PRKDC: variants seen among roughly 807,000 people sequenced by gnomAD.
The protein encoded by PRKDC is protein kinase, DNA-activated, catalytic subunit.
A neutral mutation model predicts 486.9 loss-of-function variants in PRKDC; 82 were observed. That is an observed-to-expected ratio of 0.17 (90% CI 0.14 to 0.20). The LOEUF (loss-of-function observed/expected upper bound fraction) is 0.20. PRKDC is among the 10% of genes least tolerant of loss of function. The probability of loss-of-function intolerance (pLI) is 1.00; values close to 1 mark genes in which losing one functional copy is unlikely to be tolerated. For synonymous variants in PRKDC, 1,895 were observed against 1,837.0 expected (o/e 1.03, Z -0.81); for missense variants, 4,504 against 5,038.2 (o/e 0.89, Z 3.21).
At position 47,782,799 on chromosome 8, in the gene PRKDC, G is replaced by C; in HGVS notation, c.11176-201C>G. ...GTGCCCGCAGAAATGTTGTATTCCT[G>C]ATTATAAATACTTGCTTATGAATGT... On this transcript the variant is annotated intron_variant, in intron 78 of 85. Transcript: ENST00000314191. This position sits in a 1 kb window ranked among gnomAD's most constrained non-coding sequence, Gnocchi z 4.9. The C allele has an allele frequency of 1.7e-6, 1 of 597,356 alleles. No homozygotes were observed. Among genetic ancestry groups the C allele is most frequent in the Middle Eastern group, 4.4e-4 (1 of 2,256 alleles). 37.0% of individuals were successfully genotyped at this position (597,356 alleles called of 1,614,324 possible). A position where few individuals can be genotyped will look rare whatever the true frequency, so the allele number is the denominator to read the frequency against.
chr8:47,960,088 C>G lies in PRKDC; in HGVS notation c.39G>C (p.Leu13=). The change falls in exon 1 of 86, where the codon CTG becomes CTC. Residue 13 remains leucine, a synonymous_variant. Coordinates refer to ENST00000314191, the MANE Select transcript of PRKDC (RefSeq NM_006904.7). ...GSGAGVRCSL[L]RLQETLSAAD... Reference sequence around the variant, plus strand: ...CAGCGGACAAGGTCTCCTGCAGCCGCAGCAGGGAGCAACGCACACCGGCTC... The same window carrying G: ...CAGCGGACAAGGTCTCCTGCAGCCGGAGCAGGGAGCAACGCACACCGGCTC... The G allele has an allele frequency of 6.5e-7, 1 of 1,529,262 alleles. No homozygotes were observed. Among genetic ancestry groups the G allele is most frequent in the Non-Finnish European group, 8.7e-7 (1 of 1,144,318 alleles). The allele number at this position is 1,529,262 out of a possible 1,614,324, so 94.7% of individuals were successfully genotyped here. A position where few individuals can be genotyped will look rare whatever the true frequency, so the allele number is the denominator to read the frequency against.
chr8:47,828,942 A>G (rs1247233409), intron 61 of PRKDC, among the ~76,000 whole-genome samples: 5 of 152,242 alleles, frequency 3.3e-5, no homozygotes, highest in African/African-American at 1.2e-4. Context: ...AATCATTTAC[A>G]GCCCTAACCC....
At chr8:47,835,071 C>CA (rs1422696578) in intron 58 of PRKDC, among the ~76,000 whole-genome samples, 1 of 151,750 alleles carries the variant, frequency 6.6e-6, no homozygotes, top group African/African-American at 2.4e-5. Flanking sequence ...ACAAAATGTG[C>CA]AAAAAAATTA....
Position 47,844,533 on chromosome 8 carries a change from A to C in PRKDC, c.7281-4344T>G, listed in dbSNP as rs572976926. Among the ~76,000 whole-genome samples, 21 of 152,308 alleles carry C rather than the reference A, an allele frequency of 1.4e-4. No individual in the cohort carries two copies. The South Asian group carries it at 1.5e-3, about 11-fold the overall frequency. On this transcript the variant is annotated intron_variant, in intron 54 of 85. Transcript: ENST00000314191. ...CTGGACTTAAACTCAACACTTGAAC[A>C]ATCGGACCCAATACATCTACAGCAT...
chr8:47,860,615 C>G (rs1041678364), intron 45 of PRKDC, among the ~76,000 whole-genome samples: 3 of 152,186 alleles, frequency 2.0e-5, no homozygotes, highest in Non-Finnish European at 4.4e-5. Flanking sequence ...AATAAGACAC[C>G]AAGCTAATTT....
intron 85 of PRKDC, 87 bp downstream of exon 85, chr8:47,776,757 G>A: frequency 6.7e-7 from 1 of 1,492,248 alleles, no homozygotes; most frequent in Non-Finnish European, 9.2e-7. Flanking sequence ...AGTGTCAAGA[G>A]CTCAGCACTT....
At chr8:47,881,560 T>G (rs776970042) in intron 37 of PRKDC, 40 bp from the exon 38 acceptor site, 56 of 1,019,166 alleles carry the variant, frequency 5.5e-5, no homozygotes, top group Non-Finnish European at 7.8e-5. Flanking sequence ...ATTTGTATAT[T>G]ACATCTCTAT....
chr8:47,956,019 AC>A, intron 3 of PRKDC, 71 bp from the exon 4 acceptor site: 1 of 1,125,664 alleles, frequency 8.9e-7, no homozygotes, highest in Non-Finnish European at 1.3e-6. Flanking sequence ...AATACCTGAA[AC>A]TACTTCTCCA....
At chr8:47,818,281 T>C (rs890065299) in intron 67 of PRKDC, among the ~76,000 whole-genome samples, 2 of 152,110 alleles carry the variant, frequency 1.3e-5, no homozygotes, top group Admixed American at 6.5e-5. Flanking sequence ...AAAGTTGTTA[T>C]AAAGACTAGG....
intron 51 of PRKDC, 52 bp downstream of exon 51, chr8:47,854,031 T>A: frequency 6.2e-7 from 1 of 1,600,340 alleles, no homozygotes; most frequent in Non-Finnish European, 8.5e-7. Flanking sequence ...CTGAAGTCTG[T>A]CAATCCAGTT....
chr8:47,825,193 G>A (rs2087706966), intron 63 of PRKDC, among the ~76,000 whole-genome samples: 1 of 152,014 alleles, frequency 6.6e-6, no homozygotes, highest in Admixed American at 6.6e-5. Flanking sequence ...CATTGTCCCT[G>A]GATTATGTTC....
intron 52 of PRKDC, among the ~76,000 whole-genome samples, chr8:47,851,350 G>A (rs1279044742): frequency 6.6e-6 from 1 of 152,136 alleles, no homozygotes; most frequent in Non-Finnish European, 1.5e-5. Context: ...TTGTAAAAAA[G>A]TTCTACTGAA....
chr8:47,852,939 C>T (rs969474616), intron 51 of PRKDC, among the ~76,000 whole-genome samples, 155 bp from the exon 52 acceptor site: 1 of 152,208 alleles, frequency 6.6e-6, no homozygotes, highest in Non-Finnish European at 1.5e-5. Flanking sequence ...CAAATGCACA[C>T]ATCAGCATGT....
intron 50 of PRKDC, among the ~76,000 whole-genome samples, chr8:47,854,838 T>TAA (rs2088496120): frequency 6.6e-6 from 1 of 152,224 alleles, no homozygotes; most frequent in Non-Finnish European, 1.5e-5. Flanking sequence ...ATCGCCCTCG[T>TAA]ATTTTAATTA....
At chr8:47,948,098 GCACACACACA>G (rs141437463) in intron 7 of PRKDC, among the ~76,000 whole-genome samples, 88 of 140,280 alleles carry the variant, frequency 6.3e-4, no homozygotes, top group East Asian at 5.6e-3. Context: ...AAATATATTT[GCACACACACA>G]CACACACACA....
intron 69 of PRKDC, chr8:47,805,140 TG>T (rs2087193595): frequency 6.6e-6 from 1 of 152,104 alleles, no homozygotes; most frequent in African/African-American, 2.4e-5. Context: ...TAAATGTTTG[TG>T]ATCAATTAGT....
intron 30 of PRKDC, 74 bp downstream of exon 30, chr8:47,897,087 C>T: frequency 7.0e-7 from 1 of 1,427,592 alleles, no homozygotes; most frequent in Non-Finnish European, 9.5e-7. Context: ...CCCAATTACT[C>T]AATTCTTCTT....
rs60385860 is a variant in PRKDC at position 47,873,227 on chromosome 8, C to CAAA, written c.5363+4494_5363+4496dup. Among the ~76,000 whole-genome samples, 309 of 71,038 alleles carry CAAA rather than the reference C, an allele frequency of 4.3e-3. 3 individuals carry two copies. The highest frequency in any genetic ancestry group is 0.016 in the South Asian group (37 of 2,278). The allele number at this position is 71,038 out of a possible 152,430, so 46.6% of individuals were successfully genotyped here. A position where few individuals can be genotyped will look rare whatever the true frequency, so the allele number is the denominator to read the frequency against. ...TGGGTGACACAGCAAGACTCCATCT[C>CAAA]AAAAAAAAAAAAAAAAAAAAAAAAA... is the stretch of plus-strand genomic sequence containing the variant. On this transcript the variant is annotated intron_variant, in intron 40 of 85. Transcript: ENST00000314191.
chr8:47,826,804 C>T lies in PRKDC; in HGVS notation c.8635G>A (p.Gly2879Ser). Reference sequence around the variant, plus strand: ...GGCTGCTGTAGGCTGGCCAGGCAACCAGCGCTAACAGCCGCTGGGTCGAGG... The same window carrying T: ...GGCTGCTGTAGGCTGGCCAGGCAACTAGCGCTAACAGCCGCTGGGTCGAGG... ...LSLDPAAVSA[G>S]CLASLQQPVG... Residue 2879 changes from glycine to serine, a missense_variant, in exon 63 of 86, where the codon GGT (glycine) becomes AGT (serine). By Grantham distance (56) the Gly-to-Ser change is moderately conservative (BLOSUM62 0). Coordinates refer to ENST00000314191, the MANE Select transcript of PRKDC (RefSeq NM_006904.7). The T allele has an allele frequency of 6.2e-7, 1 of 1,606,888 alleles. No homozygotes were observed. Among genetic ancestry groups the T allele is most frequent in the South Asian group, 1.1e-5 (1 of 89,946 alleles).
Sources: allele counts gnomAD v4.1 joint callset (sites outside exome capture counted in the v4.1 genomes callset), GRCh38; gene constraint gnomAD v4.1.1; non-coding constraint Gnocchi (gnomAD v3.1); transcripts MANE v1.5; gene names NCBI Gene and HGNC (gene_info 2026-07-23, HGNC 2026-07-21).